Variants in COL4A6 observed in about 807,000 individuals in gnomAD.
COL4A6 encodes the protein collagen type IV alpha 6 chain.
Under a neutral mutation model 126.7 loss-of-function variants are expected in COL4A6, and 59 were observed. That is an observed-to-expected ratio of 0.47 (90% CI 0.38 to 0.58). The LOEUF is 0.58. Ranked by LOEUF, COL4A6 falls within the 20% of genes least tolerant of loss-of-function variation. The pLI is 0.00. For missense variants in COL4A6, 1,285 were observed against 1,337.3 expected (o/e 0.96, Z 0.61); for synonymous variants, 547 against 496.6 (o/e 1.10, Z -1.35).
At position 108,172,096 on chromosome X, in the gene COL4A6, T is replaced by C. The variant is rs756297926; in HGVS notation, c.3202+373A>G. Among the ~76,000 whole-genome samples the C allele has an allele frequency of 1.4e-4, 16 of 111,719 alleles. No homozygotes were observed. The East Asian group carries it at 4.2e-3, about 30-fold the overall frequency. On this transcript the variant is annotated intron_variant, in intron 32 of 44. Transcript: ENST00000334504. ...GGCCAGGTGCAGTGGCTCACGCCTG[T>C]AATCCCAGCACTTTGGGAGGCTGAG...
At chrX:108,325,439 C>A (rs753898995) in intron 2 of COL4A6, among the ~76,000 whole-genome samples, 18 of 111,815 alleles carry the variant, frequency 1.6e-4, no homozygotes, top group Non-Finnish European at 3.0e-4. Context: ...AGTCCCTTAT[C>A]TATTAAAGAA....
At chrX:108,371,264 A>G (rs1362593902) in intron 2 of COL4A6, among the ~76,000 whole-genome samples, 1 of 110,285 alleles carries the variant, frequency 9.1e-6, no homozygotes, top group Non-Finnish European at 1.9e-5. Context: ...TTCATCTTCC[A>G]GAAACCCCCT....
chrX:108,254,101 G>A (rs766589080), intron 3 of COL4A6, among the ~76,000 whole-genome samples: 146 of 110,999 alleles, frequency 1.3e-3, no homozygotes, highest in African/African-American at 4.7e-3. Context: ...TAGCTGTGTT[G>A]CCAAGTTATT....
intron 3 of COL4A6, among the ~76,000 whole-genome samples, chrX:108,304,341 CAT>C (rs757487231): frequency 1.8e-5 from 2 of 111,682 alleles, no homozygotes; most frequent in South Asian, 3.8e-4. Context: ...TGCAGAGACA[CAT>C]GTTTTAACAC....
intron 2 of COL4A6, among the ~76,000 whole-genome samples, chrX:108,437,725 G>A (rs966179521): frequency 9.0e-6 from 1 of 111,315 alleles, no homozygotes; most frequent in Non-Finnish European, 1.9e-5. Context: ...TTCCCAACCC[G>A]TTACGAAGTT....
chrX:108,212,655 T>C (rs2035745156), intron 6 of COL4A6, among the ~76,000 whole-genome samples: 1 of 111,282 alleles, frequency 9.0e-6, no homozygotes, highest in African/African-American at 3.3e-5. Flanking sequence ...ACCGTTTTTT[T>C]TTTCTCACTT....
chrX:108,366,868 G>T (rs2040208378), intron 2 of COL4A6, among the ~76,000 whole-genome samples: 1 of 111,966 alleles, frequency 8.9e-6, no homozygotes, highest in African/African-American at 3.2e-5. Flanking sequence ...AGGGCTATGG[G>T]ACTAATAGTG....
intron 2 of COL4A6, among the ~76,000 whole-genome samples, chrX:108,320,405 G>A (rs765883566): frequency 9.0e-6 from 1 of 111,424 alleles, no homozygotes; most frequent in East Asian, 2.8e-4. Flanking sequence ...GGTCTGCTAG[G>A]TGAGGATGAT....
At chrX:108,294,137 T>C (rs1042889345) in intron 3 of COL4A6, among the ~76,000 whole-genome samples, 1 of 112,044 alleles carries the variant, frequency 8.9e-6, no homozygotes, top group Non-Finnish European at 1.9e-5. Flanking sequence ...ATAGGATTAC[T>C]ATTTTCATTT....
chrX:108,299,981 C>T (rs778308522), intron 3 of COL4A6, among the ~76,000 whole-genome samples: 1 of 111,584 alleles, frequency 9.0e-6, no homozygotes, highest in Non-Finnish European at 1.9e-5. Context: ...TACTTATAAC[C>T]CCCACAATAA....
At position 108,360,534 on chromosome X, in the gene COL4A6, CTT is replaced by C. The variant is rs5903322; in HGVS notation, c.64-49708_64-49707del. On this transcript the variant is annotated intron_variant, in intron 2 of 44. Coordinates refer to ENST00000334504, the MANE Select transcript of COL4A6 (RefSeq NM_033641.4). ...GTTTCATGAGAGTTGACACTTTAAC[CTT>C]TTTTTTTTTTTTTTTTTGAGATGAA... 9.4e-3 allele frequency among the ~76,000 whole-genome samples: 791 copies of C among 84,263 alleles called. 7 individuals carry two copies. Among genetic ancestry groups the C allele is most frequent in the East Asian group, 0.079 (167 of 2,125 alleles). 73.2% of individuals were successfully genotyped at this position (84,263 alleles called of 115,157 possible).
chrX:108,371,856 G>GAA (rs34557947), intron 2 of COL4A6, among the ~76,000 whole-genome samples: 3 of 50,575 alleles, frequency 5.9e-5, no homozygotes, highest in Non-Finnish European at 1.1e-4. Context: ...CAATATGAAG[G>GAA]AAAAAAAAAA....
At chrX:108,289,061 T>C (rs372458637) in intron 3 of COL4A6, among the ~76,000 whole-genome samples, 6 of 111,738 alleles carry the variant, frequency 5.4e-5, no homozygotes, top group African/African-American at 1.9e-4. Flanking sequence ...GTCTGGGGAA[T>C]TGTTCTAGAT....
At chrX:108,333,723 T>A (rs2039364911) in intron 2 of COL4A6, among the ~76,000 whole-genome samples, 1 of 111,813 alleles carries the variant, frequency 8.9e-6, no homozygotes, top group Admixed American at 9.5e-5. Flanking sequence ...ATAAAATCAA[T>A]GTGAAAAAAT....
At chrX:108,382,599 C>T (rs1254214161) in intron 2 of COL4A6, among the ~76,000 whole-genome samples, 1 of 110,590 alleles carries the variant, frequency 9.0e-6, no homozygotes, top group Non-Finnish European at 1.9e-5. Flanking sequence ...TCCCTCCAAT[C>T]CCCAAACAAC....
At chrX:108,250,323 C>T (rs1317062894) in intron 3 of COL4A6, among the ~76,000 whole-genome samples, 2 of 110,361 alleles carry the variant, frequency 1.8e-5, no homozygotes, top group South Asian at 4.1e-4. Context: ...AAACGTTTCT[C>T]GGTGTTTAAA....
At chrX:108,310,468 C>T (rs779438310) in intron 3 of COL4A6, among the ~76,000 whole-genome samples, 25 of 111,840 alleles carry the variant, frequency 2.2e-4, no homozygotes, top group African/African-American at 7.5e-4. Flanking sequence ...CACAATCTGG[C>T]TCTCTACAAC....
intron 2 of COL4A6, among the ~76,000 whole-genome samples, chrX:108,427,365 A>G (rs1489190855): frequency 8.9e-6 from 1 of 112,076 alleles, no homozygotes; most frequent in Non-Finnish European, 1.9e-5. Flanking sequence ...AGTTGAAGGG[A>G]CGAAAAAACA....
chrX:108,301,431 C>A (rs898135811), intron 3 of COL4A6, among the ~76,000 whole-genome samples: 1 of 111,752 alleles, frequency 8.9e-6, no homozygotes, highest in African/African-American at 3.3e-5. Context: ...TTACTACTCA[C>A]TAGGGTGGAG....
Sources: allele counts gnomAD v4.1 joint callset (sites outside exome capture counted in the v4.1 genomes callset), GRCh38; gene constraint gnomAD v4.1.1; transcripts MANE v1.5; gene names NCBI Gene and HGNC (gene_info 2026-07-23, HGNC 2026-07-21).